EPB41: variants seen among roughly 807,000 people sequenced by gnomAD.
EPB41 encodes protein 4.1.
Under a neutral mutation model 108.0 loss-of-function variants are expected in EPB41, and 65 were observed. The observed-to-expected ratio is 0.60, with a 90% confidence interval of 0.49 to 0.74. EPB41 has a LOEUF of 0.74. Among genes scored for constraint, EPB41 ranks in the 30% least tolerant of loss-of-function variants. The pLI is 0.00. For missense variants in EPB41, 875 were observed against 1,037.0 expected, an observed-to-expected ratio of 0.84 and a Z score of 2.15; for synonymous variants, 336 against 358.9, an observed-to-expected ratio of 0.94 and a Z score of 0.72.
At position 29,018,352 on chromosome 1, in the gene EPB41, A is replaced by G. The variant is rs776091034; in HGVS notation, c.1034A>G (p.His345Arg). 2 of 1,614,158 alleles carry G rather than the reference A, an allele frequency of 1.2e-6. No individual in the cohort carries two copies. Among genetic ancestry groups the G allele is most frequent in the East Asian group, 2.2e-5 (1 of 44,878 alleles). Reference protein sequence around the residue: ...SELGDYDPELHGVDYVSDFKL... With the variant: ...SELGDYDPELRGVDYVSDFKL... ...CTGGGAGACTACGACCCAGAACTCC[A>G]TGGCGTGGATTATGTTAGTGATTTT... The change falls in exon 7 of 21, where the codon CAT becomes CGT. Residue 345 changes from histidine (H) to arginine (R), a missense_variant. Physicochemically the swap from His to Arg is conservative, Grantham distance 29. Transcript: ENST00000343067. The surrounding 1 kb of genome is among the most constrained non-coding windows in gnomAD (Gnocchi z 4.4).
chr1:29,008,788 T>G (rs1025566843), intron 4 of EPB41, among the ~76,000 whole-genome samples: 4 of 152,252 alleles, frequency 2.6e-5, no homozygotes, highest in Admixed American at 2.6e-4. Flanking sequence ...TCTTTGCCTC[T>G]GTGCTCCAGC....
intron 1 of EPB41, among the ~76,000 whole-genome samples, chr1:28,926,763 G>C (rs1557693170): frequency 6.6e-6 from 1 of 152,218 alleles, no homozygotes; most frequent in Non-Finnish European, 1.5e-5. Flanking sequence ...TCATGGAGAT[G>C]GGAGAGAATA....
chr1:29,065,335 A>G (rs1327942212), intron 16 of EPB41, 177 bp downstream of exon 16: 1 of 1,209,382 alleles, frequency 8.3e-7, no homozygotes, highest in Non-Finnish European at 1.1e-6. Flanking sequence ...TAAGTCAGGT[A>G]GGCTACCCAG....
chr1:29,018,173 A>G lies in EPB41; in HGVS notation c.906-51A>G. On this transcript the variant is annotated intron_variant, in intron 6 of 20. Coordinates refer to ENST00000343067, the MANE Select transcript of EPB41 (RefSeq NM_001376013.1). The surrounding 1 kb of genome is among the most constrained non-coding windows in gnomAD (Gnocchi z 4.4). ...CCCCTTTTCTCCTTTTTCTCTCTTTATATTTTGTTGTTGTTGTTGCTGACA... is the reference window on the plus strand; with the variant it reads ...CCCCTTTTCTCCTTTTTCTCTCTTTGTATTTTGTTGTTGTTGTTGCTGACA... 6.6e-7 allele frequency: 1 copy of G among 1,516,168 alleles called. No homozygotes were observed. The highest frequency in any genetic ancestry group is 9.1e-7 in the Non-Finnish European group (1 of 1,098,228). 93.9% of individuals were successfully genotyped at this position (1,516,168 alleles called of 1,614,324 possible). A position where few individuals can be genotyped will look rare whatever the true frequency, so the allele number is the denominator to read the frequency against.
Position 29,053,120 on chromosome 1 carries a change from G to A in EPB41, c.1653G>A (p.Ser551=), listed in dbSNP as rs777078218. 1.9e-6 allele frequency: 3 copies of A among 1,614,000 alleles called. No homozygotes were observed. Among genetic ancestry groups the A allele is most frequent in the African/African-American group, 1.3e-5 (1 of 75,024 alleles). ...CTCACATAGCAGCAGCTGTCGATTC[G>A]GCAGACCGAAGTCCTCGGCCCACTT... The part of the protein sequence containing the change: ...RSLDGAAAVD[S]ADRSPRPTSA... The change falls in exon 12 of 21, where the codon TCG becomes TCA. Residue 551 remains serine (S), a synonymous_variant. Transcript: ENST00000343067.
At chr1:28,937,672 C>T (rs1172185228) in intron 1 of EPB41, among the ~76,000 whole-genome samples, 3 of 152,170 alleles carry the variant, frequency 2.0e-5, no homozygotes, top group South Asian at 2.1e-4. Flanking sequence ...GGATTACAGG[C>T]GTGAGCCACC....
At chr1:28,995,957 ACTCAT>A in intron 3 of EPB41, among the ~76,000 whole-genome samples, 1 of 152,350 alleles carries the variant, frequency 6.6e-6, no homozygotes, top group African/African-American at 2.4e-5. Flanking sequence ...ATTAAAAATA[ACTCAT>A]CTCATTGAGA....
chr1:29,091,933 A>C (rs1661336391), intron 16 of EPB41, among the ~76,000 whole-genome samples: 1 of 152,102 alleles, frequency 6.6e-6, no homozygotes, highest in East Asian at 1.9e-4. Context: ...CCTTGCCTTT[A>C]TGGAGCCCTG....
At chr1:29,087,103 G>A (rs1032158190) in intron 16 of EPB41, among the ~76,000 whole-genome samples, 2 of 151,478 alleles carry the variant, frequency 1.3e-5, no homozygotes, top group African/African-American at 2.4e-5. Flanking sequence ...CACCATGCCC[G>A]GCTAATTTTT....
At chr1:29,003,005 G>A (rs1311409355) in intron 4 of EPB41, among the ~76,000 whole-genome samples, 1 of 152,196 alleles carries the variant, frequency 6.6e-6, no homozygotes, top group Non-Finnish European at 1.5e-5. Flanking sequence ...GTTTGATTAT[G>A]TGGTATTTAG....
At chr1:28,966,818 C>T (rs1048409299) in intron 1 of EPB41, among the ~76,000 whole-genome samples, 3 of 152,090 alleles carry the variant, frequency 2.0e-5, no homozygotes, top group African/African-American at 7.2e-5. Flanking sequence ...CGAGGAGACC[C>T]AGGTGGCTGG....
chr1:28,989,008 G>A lies in EPB41; in HGVS notation c.468+1103G>A, dbSNP rs183594568. Among the ~76,000 whole-genome samples the A allele has an allele frequency of 5.7e-3, 874 of 152,316 alleles. 10 individuals carry two copies. Among genetic ancestry groups the A allele is most frequent in the African/African-American group, 0.02 (823 of 41,568 alleles). ...AGATGGTTTAGAGTTCATTTTTGTG[G>A]AATTATTAGGAACAGGACGGTTATC... On this transcript the variant is annotated intron_variant, in intron 2 of 20. Transcript: ENST00000343067.
intron 16 of EPB41, among the ~76,000 whole-genome samples, chr1:29,091,428 A>G (rs1661136882): frequency 6.6e-6 from 1 of 152,334 alleles, no homozygotes. Context: ...CTCTATAGCC[A>G]CTTGCCTGAC....
At chr1:28,952,020 G>A (rs1210625789) in intron 1 of EPB41, among the ~76,000 whole-genome samples, 1 of 152,080 alleles carries the variant, frequency 6.6e-6, no homozygotes, top group Non-Finnish European at 1.5e-5. Context: ...CTTGTTAGGG[G>A]AACTGAGAAA....
chr1:29,069,371 G>A, intron 16 of EPB41: 1 of 1,230,158 alleles, frequency 8.1e-7, no homozygotes, highest in Non-Finnish European at 1.0e-6. Context: ...TGGACAATTG[G>A]GGAGAAAAAA....
chr1:29,064,260 A>G (rs949393348), intron 15 of EPB41, among the ~76,000 whole-genome samples: 1 of 152,192 alleles, frequency 6.6e-6, no homozygotes, highest in Admixed American at 6.5e-5. Context: ...TAGAAAGCCT[A>G]AGGCGTTTAG....
At chr1:28,987,956 T>A (rs2149524049) in intron 2 of EPB41, 51 bp downstream of exon 2, 1 of 1,581,536 alleles carries the variant, frequency 6.3e-7, no homozygotes, top group South Asian at 1.1e-5. Context: ...GGTTATACAC[T>A]TTATTTTTCA....
At chr1:29,109,890 C>T (rs969087215) in intron 18 of EPB41, among the ~76,000 whole-genome samples, 4 of 151,992 alleles carry the variant, frequency 2.6e-5, no homozygotes, top group East Asian at 1.9e-4. Flanking sequence ...ATAAATTAGC[C>T]GGGTGTGGCG....
chr1:29,053,546 A>G, intron 12 of EPB41: 2 of 480,868 alleles, frequency 4.2e-6, no homozygotes, highest in South Asian at 2.9e-5. Context: ...CCTTGACCCA[A>G]CTATTATTTT....
Sources: allele counts gnomAD v4.1 joint callset (sites outside exome capture counted in the v4.1 genomes callset), GRCh38; gene constraint gnomAD v4.1.1; non-coding constraint Gnocchi (gnomAD v3.1); transcripts MANE v1.5; gene names NCBI Gene and HGNC (gene_info 2026-07-23, HGNC 2026-07-21).